The following OSBPL5 variants were observed in gnomAD, a reference collection of about 807,000 sequenced individuals.
The protein encoded by OSBPL5 is oxysterol-binding protein-related protein 5.
A neutral mutation model predicts 111.2 loss-of-function variants in OSBPL5; 71 were observed. The ratio of observed to expected loss-of-function variants is 0.64; its 90% CI spans 0.53 to 0.78. The LOEUF (loss-of-function observed/expected upper bound fraction) is 0.78, where lower values mean the gene tolerates loss of function less well. Ranked by LOEUF, OSBPL5 falls within the 30% of genes least tolerant of loss-of-function variation. The probability of loss-of-function intolerance (pLI) is 0.00; values close to 1 mark genes in which losing one functional copy is unlikely to be tolerated. For synonymous variants in OSBPL5, 549 were observed against 513.9 expected (o/e 1.07, Z -0.93); for missense variants, 1,210 against 1,189.3 (o/e 1.02, Z -0.26).
intron 10 of OSBPL5, among the ~76,000 whole-genome samples, chr11:3,103,687 G>GTA (rs1564829371): frequency 8.0e-4 from 109 of 136,160 alleles, no homozygotes; most frequent in Admixed American, 2.1e-3. Flanking sequence ...AGTCTCTGCA[G>GTA]CCCCCTTCCA....
At chr11:3,112,478 C>CTTTT (rs559601032) in intron 7 of OSBPL5, among the ~76,000 whole-genome samples, 1 of 108,774 alleles carries the variant, frequency 9.2e-6, no homozygotes, top group Non-Finnish European at 2.0e-5. Flanking sequence ...GTTTTCTTTT[C>CTTTT]TTTTTTTTTT....
chr11:3,113,447 G>C lies in OSBPL5; in HGVS notation c.692-5502C>G, dbSNP rs1368834237. Among the ~76,000 whole-genome samples, 1 of 152,192 alleles carries C rather than the reference G, an allele frequency of 6.6e-6. No homozygotes were observed. The highest frequency in any genetic ancestry group is 1.9e-4 in the East Asian group (1 of 5,174). ...TGAGGTGGGTGGATCACAAAGTCAG[G>C]AGTTCAAGACCAGTCTGGCCAACAT... On this transcript the variant is annotated intron_variant, in intron 7 of 21. Transcript: ENST00000263650. This position sits in a 1 kb window ranked among gnomAD's most constrained non-coding sequence, Gnocchi z 4.8.
rs995299137 is a variant in OSBPL5, at chr11:3,107,616, G to A, written c.866+155C>T. Reference sequence around the variant, plus strand: ...ACGATCAGCCCCGTTTTAGAGGAAGGAACCGAGGCTCCCAGGGCACACTGC... The same window carrying A: ...ACGATCAGCCCCGTTTTAGAGGAAGAAACCGAGGCTCCCAGGGCACACTGC... On this transcript the variant is annotated intron_variant, in intron 8 of 21. Transcript: ENST00000263650. This position sits in a 1 kb window ranked among gnomAD's most constrained non-coding sequence, Gnocchi z 6.1. Among the ~76,000 whole-genome samples the A allele has an allele frequency of 1.3e-5, 2 of 151,994 alleles. No homozygotes were observed. The highest frequency in any genetic ancestry group is 2.9e-5 in the Non-Finnish European group (2 of 67,970).
intron 7 of OSBPL5, among the ~76,000 whole-genome samples, chr11:3,118,142 A>G (rs751255375): frequency 6.6e-6 from 1 of 152,216 alleles, no homozygotes; most frequent in Non-Finnish European, 1.5e-5. Flanking sequence ...GCTTTCTCCA[A>G]AAGATTTTTA....
chr11:3,124,941 A>T (rs1858559862), intron 3 of OSBPL5, among the ~76,000 whole-genome samples: 1 of 152,150 alleles, frequency 6.6e-6, no homozygotes, highest in Non-Finnish European at 1.5e-5. Flanking sequence ...GAGAGGCAAG[A>T]CCGCATGGCA....
At chr11:3,132,441 G>T (rs2134488492) in intron 1 of OSBPL5, among the ~76,000 whole-genome samples, 1 of 152,122 alleles carries the variant, frequency 6.6e-6, no homozygotes, top group South Asian at 2.1e-4. Context: ...GCCCCCAAAT[G>T]GTCACCTGGT....
intron 3 of OSBPL5, 36 bp from the exon 4 acceptor site, chr11:3,122,464 A>G (rs1445347130): frequency 6.2e-7 from 1 of 1,601,558 alleles, no homozygotes; most frequent in Non-Finnish European, 8.5e-7. Flanking sequence ...GACAGGGCAC[A>G]GGGGCCGGCC....
chr11:3,138,374 A>G (rs1158137061), intron 1 of OSBPL5, among the ~76,000 whole-genome samples: 5 of 152,196 alleles, frequency 3.3e-5, no homozygotes, highest in Non-Finnish European at 7.3e-5. Context: ...CCCAACTGAA[A>G]GGAGACTCCG....
intron 1 of OSBPL5, among the ~76,000 whole-genome samples, chr11:3,158,118 G>A (rs890080746): frequency 2.6e-5 from 4 of 152,358 alleles, no homozygotes; most frequent in East Asian, 1.9e-4. Flanking sequence ...ACATCCTGAC[G>A]TTTCTAGGTG....
Position 3,093,609 on chromosome 11 carries a change from T to C in OSBPL5, c.1864A>G (p.Thr622Ala). 6.2e-7 allele frequency: 1 copy of C among 1,612,848 alleles called. No individual in the cohort carries two copies. The highest frequency in any genetic ancestry group is 1.1e-5 in the South Asian group (1 of 91,082). The change falls in exon 17 of 22, where the codon ACC (threonine) becomes GCC (alanine). Residue 622 changes from threonine to alanine, a missense_variant. Thr to Ala is a moderately conservative substitution (Grantham distance 58, BLOSUM62 0). Coordinates refer to ENST00000263650, the MANE Select transcript of OSBPL5 (RefSeq NM_020896.4). ...EGSGSSALFW[T>A]PSGEVRRQRL... ...TGTCTGCGGACCTCCCCGCTCGGGGTCCAGAAAAGCGCACTGCTTCCGCTC... is the reference window on the plus strand; with the variant it reads ...TGTCTGCGGACCTCCCCGCTCGGGGCCCAGAAAAGCGCACTGCTTCCGCTC...
chr11:3,112,962 A>C (rs1189559067), intron 7 of OSBPL5, among the ~76,000 whole-genome samples: 4 of 152,238 alleles, frequency 2.6e-5, no homozygotes, highest in Non-Finnish European at 4.4e-5. Context: ...ACAGGAAAAA[A>C]AAATTTTTAT....
At chr11:3,112,478 CTTTTTTTTT>C (rs559601032) in intron 7 of OSBPL5, among the ~76,000 whole-genome samples, 4 of 108,776 alleles carry the variant, frequency 3.7e-5, no homozygotes, top group Non-Finnish European at 7.8e-5. Context: ...GTTTTCTTTT[CTTTTTTTTT>C]TTTTTTTTGA....
chr11:3,163,330 G>C (rs972832571), intron 1 of OSBPL5, among the ~76,000 whole-genome samples: 8 of 152,166 alleles, frequency 5.3e-5, no homozygotes, highest in Non-Finnish European at 1.5e-5. Flanking sequence ...AATCAGCAGA[G>C]AGCACCAGTC....
intron 7 of OSBPL5, among the ~76,000 whole-genome samples, chr11:3,112,473 CTTTTCTTTT>C (rs1564838251): frequency 6.2e-5 from 3 of 48,608 alleles, no homozygotes; most frequent in Admixed American, 2.6e-4. Flanking sequence ...TTTGTGTTTT[CTTTTCTTTT>C]TTTTTTTTTT....
chr11:3,142,065 A>G lies in OSBPL5; in HGVS notation c.-21-12896T>C, dbSNP rs989048920. 1.2e-4 allele frequency among the ~76,000 whole-genome samples: 18 copies of G among 152,204 alleles called. No individual in the cohort carries two copies. The highest frequency in any genetic ancestry group is 2.2e-4 in the Non-Finnish European group (15 of 68,036). ...GTTGCTGGGACTACAGGCACCTGCC[A>G]CGATGACCGGCTAAAATTTTTTTGT... is the stretch of plus-strand genomic sequence containing the variant. On this transcript the variant is annotated intron_variant, in intron 1 of 21. Transcript: ENST00000263650. The surrounding 1 kb of genome is among the most constrained non-coding windows in gnomAD (Gnocchi z 7.1).
chr11:3,135,226 T>C (rs1845917188), intron 1 of OSBPL5, among the ~76,000 whole-genome samples: 1 of 152,250 alleles, frequency 6.6e-6, no homozygotes. Context: ...GGCAGGGCCG[T>C]GCTTCCGCCA....
chr11:3,111,952 G>GCT (rs1275444262), intron 7 of OSBPL5, among the ~76,000 whole-genome samples: 14 of 40,178 alleles, frequency 3.5e-4, no homozygotes, highest in Admixed American at 1.0e-3. Context: ...TAACATCCAA[G>GCT]CTGTGTGTGT....
rs1160042835 is a variant in OSBPL5, at chr11:3,092,922, G to T, written c.2077C>A (p.Pro693Thr). 1.3e-6 allele frequency: 2 copies of T among 1,570,102 alleles called. No individual in the cohort carries two copies. Among genetic ancestry groups the T allele is most frequent in the Non-Finnish European group, 1.7e-6 (2 of 1,157,826 alleles). The change falls in exon 18 of 22, where the codon CCG (proline) becomes ACG (threonine). Residue 693 changes from proline to threonine, a missense_variant. Pro to Thr is a conservative substitution (Grantham distance 38). Coordinates refer to ENST00000263650, the MANE Select transcript of OSBPL5 (RefSeq NM_020896.4). This position sits in a 1 kb window ranked among gnomAD's most constrained non-coding sequence, Gnocchi z 5.4. Reference sequence around the variant, plus strand: ...ATGGGGTCCAGGTGGAACAGCTGCGGCTTCCAGGGCATGAGGCTCTCCTGC... The same window carrying T: ...ATGGGGTCCAGGTGGAACAGCTGCGTCTTCCAGGGCATGAGGCTCTCCTGC... ...ERQESLMPWKPQLFHLDPITQ... is the reference protein window; with the variant it reads ...ERQESLMPWKTQLFHLDPITQ...
At chr11:3,149,131 T>G (rs533424031) in intron 1 of OSBPL5, among the ~76,000 whole-genome samples, 1 of 152,200 alleles carries the variant, frequency 6.6e-6, no homozygotes, top group African/African-American at 2.4e-5. Flanking sequence ...GTCTTAGCAA[T>G]AGCCCTTTCC....
Sources: allele counts gnomAD v4.1 joint callset (sites outside exome capture counted in the v4.1 genomes callset), GRCh38; gene constraint gnomAD v4.1.1; non-coding constraint Gnocchi (gnomAD v3.1); transcripts MANE v1.5; gene names NCBI Gene and HGNC (gene_info 2026-07-23, HGNC 2026-07-21).